ZC3H12B: variants seen among roughly 807,000 people sequenced by gnomAD.
ZC3H12B encodes the protein zinc finger CCCH-type containing 12B.
ZC3H12B carries 7 observed loss-of-function variants against 43.9 expected under a neutral mutation model. That is an observed-to-expected ratio of 0.16 (90% confidence interval 0.09 to 0.30). The LOEUF (loss-of-function observed/expected upper bound fraction) is 0.30, where lower values mean the gene tolerates loss of function less well. Among genes scored for constraint, ZC3H12B ranks in the 10% least tolerant of loss-of-function variants. The pLI is 1.00. For synonymous variants in ZC3H12B, 222 were observed against 241.7 expected (o/e 0.92, Z 0.76); for missense variants, 475 against 670.2 (o/e 0.71, Z 3.22).
chrX:65,339,338 A>G, the ZC3H12B span, among the ~76,000 whole-genome samples: 1 of 111,665 alleles, frequency 9.0e-6, no homozygotes. Context: ...GCCCCCAATG[A>G]CTTTGGGGAA....
intron 3 of ZC3H12B, among the ~76,000 whole-genome samples, chrX:65,460,116 A>C (rs1002258080): frequency 2.7e-5 from 3 of 111,818 alleles, no homozygotes; most frequent in African/African-American, 6.5e-5. Context: ...TAATTGCTTC[A>C]AAGAGAATAA....
chrX:65,223,090 C>G, the ZC3H12B span, among the ~76,000 whole-genome samples: 1 of 111,875 alleles, frequency 8.9e-6, no homozygotes, highest in Non-Finnish European at 1.9e-5. Context: ...CAAATACTTA[C>G]AGCCAACTGA....
chrX:65,113,766 A>G, the ZC3H12B span, among the ~76,000 whole-genome samples: 2 of 108,297 alleles, frequency 1.8e-5, no homozygotes, highest in African/African-American at 6.6e-5. Context: ...TTCCAACTCA[A>G]TGAAGGCTCA....
the ZC3H12B span, among the ~76,000 whole-genome samples, chrX:65,124,803 T>C: frequency 9.0e-5 from 10 of 111,136 alleles, no homozygotes; most frequent in East Asian, 2.8e-3. Context: ...TCAAAAATCT[T>C]TTATATTTCT....
chrX:65,245,923 TAAA>T, the ZC3H12B span, among the ~76,000 whole-genome samples: 7 of 102,781 alleles, frequency 6.8e-5, no homozygotes, highest in African/African-American at 1.1e-4. Context: ...TTAAAATATT[TAAA>T]AAAAAAAAAG....
the ZC3H12B span, among the ~76,000 whole-genome samples, chrX:65,338,970 G>T: frequency 8.9e-6 from 1 of 111,981 alleles, no homozygotes; most frequent in South Asian, 3.8e-4. Flanking sequence ...AAGAATGCCC[G>T]CACTTTTACT....
chrX:65,256,132 G>A, the ZC3H12B span, among the ~76,000 whole-genome samples: 1 of 111,826 alleles, frequency 8.9e-6, no homozygotes, highest in East Asian at 2.8e-4. Context: ...GATAATTGAG[G>A]CAGAAAACTA....
chrX:65,227,059 C>T, the ZC3H12B span, among the ~76,000 whole-genome samples: 1 of 111,356 alleles, frequency 9.0e-6, no homozygotes, highest in Non-Finnish European at 1.9e-5. Flanking sequence ...AACTCTCCAC[C>T]CCAAATCAAC....
chrX:65,362,137 G>A (rs1027967377), upstream of ZC3H12B, among the ~76,000 whole-genome samples: 38 of 112,022 alleles, frequency 3.4e-4, 1 homozygote, highest in Non-Finnish European at 6.2e-4. Context: ...TCTGGCCCAA[G>A]GCTCTCTGAC....
chrX:65,460,822 C>T (rs2067731439), intron 3 of ZC3H12B, among the ~76,000 whole-genome samples: 1 of 111,406 alleles, frequency 9.0e-6, no homozygotes, highest in African/African-American at 3.3e-5. Context: ...GTCTAAAACA[C>T]CAAAAGCAAT....
At chrX:65,352,368 T>C in the ZC3H12B span, among the ~76,000 whole-genome samples, 402 of 110,382 alleles carry the variant, frequency 3.6e-3, 1 homozygote, top group Non-Finnish European at 6.5e-3. Flanking sequence ...CTAATGTAGG[T>C]GACGTGTTGA....
chrX:65,385,241 G>A (rs1179549972), intron 2 of ZC3H12B, among the ~76,000 whole-genome samples: 2 of 112,129 alleles, frequency 1.8e-5, no homozygotes, highest in Non-Finnish European at 1.9e-5. Context: ...ACCTTGGGCA[G>A]TATGGCCATT....
At chrX:65,290,310 T>TA in the ZC3H12B span, among the ~76,000 whole-genome samples, 1 of 110,788 alleles carries the variant, frequency 9.0e-6, no homozygotes, top group East Asian at 2.8e-4. Flanking sequence ...AGTGGCTATT[T>TA]AAAAAAACAC....
the ZC3H12B span, among the ~76,000 whole-genome samples, chrX:65,231,390 G>T: frequency 9.0e-6 from 1 of 111,346 alleles, no homozygotes; most frequent in Middle Eastern, 4.2e-3. Flanking sequence ...GGGTTCGAGA[G>T]CAGACAACCA....
the ZC3H12B span, among the ~76,000 whole-genome samples, chrX:65,072,762 G>A: frequency 8.9e-6 from 1 of 111,874 alleles, no homozygotes; most frequent in Non-Finnish European, 1.9e-5. Context: ...ACATGGTGGG[G>A]TGCATGCTTG....
the ZC3H12B span, among the ~76,000 whole-genome samples, chrX:65,090,035 A>G: frequency 3.6e-5 from 4 of 112,485 alleles, no homozygotes; most frequent in Middle Eastern, 0.014. Flanking sequence ...CTATAAATCA[A>G]TGATAAAAAG....
At chrX:65,059,230 G>A in the ZC3H12B span, among the ~76,000 whole-genome samples, 22 of 32,931 alleles carry the variant, frequency 6.7e-4, no homozygotes, top group South Asian at 2.4e-3. Flanking sequence ...CCCCCCCCCC[G>A]CCCCAGTTTG....
At chrX:65,136,392 T>A in the ZC3H12B span, among the ~76,000 whole-genome samples, 2 of 111,176 alleles carry the variant, frequency 1.8e-5, no homozygotes, top group African/African-American at 3.3e-5. Context: ...GCTGATGAGA[T>A]GAAAGTCTTG....
At chrX:65,477,764 C>CA (rs757660808) in intron 3 of ZC3H12B, among the ~76,000 whole-genome samples, 45 of 95,471 alleles carry the variant, frequency 4.7e-4, no homozygotes, top group East Asian at 4.1e-3. Context: ...GACTCTGTCT[C>CA]AAAAAAAAAA....
Sources: gnomAD v4.1 joint callset for allele counts (sites outside exome capture counted in the v4.1 genomes callset) on GRCh38, gnomAD v4.1.1 for gene constraint, MANE v1.5 for transcripts, NCBI Gene and HGNC (gene_info 2026-07-23, HGNC 2026-07-21) for gene names.